Variants in EXOC6B observed in about 807,000 individuals in gnomAD.
The protein encoded by EXOC6B is exocyst complex component 6B.
Under a neutral mutation model 113.5 loss-of-function variants are expected in EXOC6B, and 54 were observed. That is an observed-to-expected ratio of 0.48 (90% CI 0.38 to 0.60). The LOEUF (loss-of-function observed/expected upper bound fraction) is 0.60. Ranked by LOEUF, EXOC6B falls within the 20% of genes least tolerant of loss-of-function variation. The pLI, the probability that EXOC6B is intolerant of heterozygous loss-of-function variation, is 0.00. For synonymous variants in EXOC6B, 357 were observed against 339.0 expected (o/e 1.05, Z -0.58); for missense variants, 797 against 977.5 (o/e 0.82, Z 2.46).
intron 11 of EXOC6B, among the ~76,000 whole-genome samples, chr2:72,508,586 A>G (rs762444501): frequency 6.6e-6 from 1 of 152,122 alleles, no homozygotes; most frequent in African/African-American, 2.4e-5. Flanking sequence ...AGCCTGGCCA[A>G]CATGGCGAAA....
intron 20 of EXOC6B, among the ~76,000 whole-genome samples, chr2:72,326,669 G>A (rs887665511): frequency 2.0e-5 from 3 of 152,026 alleles, no homozygotes; most frequent in African/African-American, 7.2e-5. Context: ...AGAGGGGTAG[G>A]AGAGTTGTCA....
At chr2:72,304,249 CTT>C (rs1419167826) in intron 20 of EXOC6B, among the ~76,000 whole-genome samples, 2 of 152,178 alleles carry the variant, frequency 1.3e-5, no homozygotes, top group Non-Finnish European at 2.9e-5. Context: ...AATTCTCTCT[CTT>C]ATACACAATA....
At chr2:72,646,235 T>C (rs1673701158) in intron 6 of EXOC6B, among the ~76,000 whole-genome samples, 2 of 151,986 alleles carry the variant, frequency 1.3e-5, no homozygotes, top group Non-Finnish European at 1.5e-5. Context: ...CTCCCAAGAC[T>C]AAACCAGGAA....
At chr2:72,636,328 G>T (rs1005719228) in intron 6 of EXOC6B, among the ~76,000 whole-genome samples, 7 of 121,316 alleles carry the variant, frequency 5.8e-5, no homozygotes, top group African/African-American at 2.2e-4. Flanking sequence ...AGGGAGGGAA[G>T]GAGGGAAGGA....
At chr2:72,220,667 C>G (rs954339598) in intron 20 of EXOC6B, among the ~76,000 whole-genome samples, 2 of 151,996 alleles carry the variant, frequency 1.3e-5, no homozygotes, top group Non-Finnish European at 2.9e-5. Context: ...GTGACAACAT[C>G]ATATCAAAGA....
intron 6 of EXOC6B, among the ~76,000 whole-genome samples, chr2:72,591,299 T>A (rs1438383171): frequency 6.6e-6 from 1 of 152,118 alleles, no homozygotes; most frequent in African/African-American, 2.4e-5. Flanking sequence ...CTGGAGCTGA[T>A]TATTACAAAG....
At chr2:72,526,935 A>C (rs1701771360) in intron 8 of EXOC6B, among the ~76,000 whole-genome samples, 1 of 151,928 alleles carries the variant, frequency 6.6e-6, no homozygotes, top group South Asian at 2.1e-4. Context: ...CCAAATTTAA[A>C]CATCTTAGGA....
chr2:72,480,127 C>G (rs1047537684), intron 17 of EXOC6B, among the ~76,000 whole-genome samples: 5 of 151,892 alleles, frequency 3.3e-5, no homozygotes, highest in African/African-American at 1.2e-4. Flanking sequence ...CTACTTGAAC[C>G]CAGGAGACAG....
At chr2:72,271,107 G>A (rs2104627276) in intron 20 of EXOC6B, among the ~76,000 whole-genome samples, 1 of 152,248 alleles carries the variant, frequency 6.6e-6, no homozygotes, top group East Asian at 1.9e-4. Context: ...ACTTTGACAT[G>A]TTTCCTATTA....
intron 11 of EXOC6B, among the ~76,000 whole-genome samples, chr2:72,506,533 G>A (rs967337472): frequency 4.6e-5 from 7 of 152,046 alleles, no homozygotes; most frequent in Non-Finnish European, 1.0e-4. Flanking sequence ...ATTTCCCTTC[G>A]ATTTAGCTGA....
chr2:72,736,181 G>A (rs188995660), intron 2 of EXOC6B, among the ~76,000 whole-genome samples: 1 of 149,602 alleles, frequency 6.7e-6, no homozygotes, highest in African/African-American at 2.5e-5. Flanking sequence ...GCAACACTCT[G>A]TCTCAAAAAA....
chr2:72,666,472 C>T (rs1208697049), intron 6 of EXOC6B, among the ~76,000 whole-genome samples: 2 of 151,954 alleles, frequency 1.3e-5, no homozygotes, highest in Non-Finnish European at 2.9e-5. Flanking sequence ...TATAAGAAGA[C>T]AAGAATGCCC....
At chr2:72,387,877 C>T (rs1692140755) in intron 18 of EXOC6B, among the ~76,000 whole-genome samples, 1 of 151,802 alleles carries the variant, frequency 6.6e-6, no homozygotes, top group Admixed American at 6.6e-5. Context: ...TCAATTTGCT[C>T]TTCTTTTTTT....
Position 72,823,459 on chromosome 2 carries a change from G to GAAAAAAAAAA in EXOC6B, c.113+2329_113+2338dup, listed in dbSNP as rs1237385156. ...CCAACTTCTCAAATCAAAGTTTTAA[G>GAAAAAAAAAA]AAAAAAAAAAAAAAAAAAACAAAAA... On this transcript the variant is annotated intron_variant, in intron 1 of 21. Coordinates refer to ENST00000272427, the MANE Select transcript of EXOC6B (RefSeq NM_015189.3). Among the ~76,000 whole-genome samples, 49 of 70,004 alleles carry GAAAAAAAAAA rather than the reference G, an allele frequency of 7.0e-4. 8 individuals are homozygous for GAAAAAAAAAA. Among genetic ancestry groups the GAAAAAAAAAA allele is most frequent in the Admixed American group, 3.3e-3 (17 of 5,200 alleles). 45.9% of individuals were successfully genotyped at this position (70,004 alleles called of 152,430 possible). A position where few individuals can be genotyped will look rare whatever the true frequency, so the allele number is the denominator to read the frequency against.
chr2:72,753,096 C>T (rs975682735), intron 1 of EXOC6B, among the ~76,000 whole-genome samples: 2 of 151,996 alleles, frequency 1.3e-5, no homozygotes, highest in African/African-American at 4.8e-5. Flanking sequence ...TCAAAGACAT[C>T]GCAAACCGTG....
chr2:72,342,353 A>G (rs568108703), intron 19 of EXOC6B, among the ~76,000 whole-genome samples: 3 of 152,260 alleles, frequency 2.0e-5, no homozygotes, highest in African/African-American at 7.2e-5. Flanking sequence ...CAAAATTGAC[A>G]AGCCCTTAGC....
At chr2:72,406,208 C>A (rs538242049) in intron 18 of EXOC6B, among the ~76,000 whole-genome samples, 20 of 152,070 alleles carry the variant, frequency 1.3e-4, no homozygotes, top group African/African-American at 4.8e-4. Flanking sequence ...TAAAGCAAGT[C>A]CTTAGAGAAC....
intron 6 of EXOC6B, among the ~76,000 whole-genome samples, chr2:72,636,605 T>A (rs1029904789): frequency 6.6e-5 from 10 of 152,024 alleles, no homozygotes; most frequent in Admixed American, 6.5e-4. Context: ...AATCAATTGA[T>A]GCAGAAAAAA....
intron 20 of EXOC6B, among the ~76,000 whole-genome samples, chr2:72,334,027 C>A (rs1156669053): frequency 6.6e-6 from 1 of 151,546 alleles, no homozygotes; most frequent in East Asian, 1.9e-4. Flanking sequence ...AGAGGCACTG[C>A]ATCATTATGG....
Sources: gnomAD v4.1 joint callset for allele counts (sites outside exome capture counted in the v4.1 genomes callset) on GRCh38, gnomAD v4.1.1 for gene constraint, MANE v1.5 for transcripts, NCBI Gene and HGNC (gene_info 2026-07-23, HGNC 2026-07-21) for gene names.